ST8SIA5: variants seen among roughly 807,000 people sequenced by gnomAD.
ST8SIA5 encodes alpha-2,8-sialyltransferase 8E.
A neutral mutation model predicts 40.2 loss-of-function variants in ST8SIA5; 24 were observed. The observed-to-expected ratio is 0.60, with a 90% CI of 0.43 to 0.84. The LOEUF (loss-of-function observed/expected upper bound fraction) is 0.84, where lower values mean the gene tolerates loss of function less well. ST8SIA5 is among the 40% of genes least tolerant of loss of function. The pLI is 0.00. For missense variants in ST8SIA5, 465 were observed against 498.5 expected (o/e 0.93, Z 0.64); for synonymous variants, 198 against 201.8 (o/e 0.98, Z 0.16).
intron 1 of ST8SIA5, among the ~76,000 whole-genome samples, chr18:46,709,785 T>C (rs1365285546): frequency 6.6e-6 from 1 of 152,166 alleles, no homozygotes; most frequent in Admixed American, 6.5e-5. Context: ...TCAGAATAAA[T>C]GGGATGATGC....
In ST8SIA5 at chr18:46,688,871, G is replaced by T; in HGVS notation, c.360C>A (p.Thr120=). Residue 120 remains threonine (T), a synonymous_variant, in exon 4 of 7, where the codon ACC becomes ACA. Transcript: ENST00000315087. ...CCNAPAFLFT[T]QKNTPLGTKL... ...TTGTCCCCAGGGGAGTGTTCTTCTGGGTGGTGAAGAGAAAGGCAGGGGCGT... is the reference window on the plus strand; with the variant it reads ...TTGTCCCCAGGGGAGTGTTCTTCTGTGTGGTGAAGAGAAAGGCAGGGGCGT... 3 of 1,614,134 alleles carry T rather than the reference G, an allele frequency of 1.9e-6. No individual in the cohort carries two copies. The highest frequency in any genetic ancestry group is 2.5e-6 in the Non-Finnish European group (3 of 1,180,004).
chr18:46,719,724 T>TTCTTTCTC (rs2039839021), intron 1 of ST8SIA5, among the ~76,000 whole-genome samples: 1 of 150,600 alleles, frequency 6.6e-6, no homozygotes, highest in Non-Finnish European at 1.5e-5. Flanking sequence ...CTTTCTCTCT[T>TTCTTTCTC]TCTCTCTCTT....
At chr18:46,756,019 C>G (rs899720424) in intron 1 of ST8SIA5, among the ~76,000 whole-genome samples, 2 of 152,232 alleles carry the variant, frequency 1.3e-5, no homozygotes, top group African/African-American at 2.4e-5. Flanking sequence ...CCTCCGACCC[C>G]GGAGTCCAAA....
At chr18:46,731,151 A>G (rs1209848576) in intron 1 of ST8SIA5, among the ~76,000 whole-genome samples, 3 of 152,054 alleles carry the variant, frequency 2.0e-5, no homozygotes, top group South Asian at 4.1e-4. Flanking sequence ...CAAGGGGGAG[A>G]TTTCTTTCTG....
intron 1 of ST8SIA5, among the ~76,000 whole-genome samples, chr18:46,733,534 C>T (rs554563990): frequency 7.3e-5 from 11 of 151,448 alleles, no homozygotes; most frequent in East Asian, 3.9e-4. Flanking sequence ...ACAGATATGA[C>T]GACAATAAAC....
chr18:46,734,851 C>T (rs1202997996), intron 1 of ST8SIA5, among the ~76,000 whole-genome samples: 11 of 152,202 alleles, frequency 7.2e-5, no homozygotes. Flanking sequence ...CCTGTTTCAT[C>T]CATCTTGGTA....
chr18:46,726,954 TAACTGTGCTA>T (rs2039937951), intron 1 of ST8SIA5, among the ~76,000 whole-genome samples: 1 of 152,132 alleles, frequency 6.6e-6, no homozygotes, highest in Non-Finnish European at 1.5e-5. Flanking sequence ...AACAAGTGCT[TAACTGTGCTA>T]AACTCGTAAT....
At chr18:46,717,523 C>A (rs138049367) in intron 1 of ST8SIA5, among the ~76,000 whole-genome samples, 29 of 152,116 alleles carry the variant, frequency 1.9e-4, no homozygotes, top group African/African-American at 7.0e-4. Context: ...TTAGTAGAGA[C>A]GGGGCTTCTC....
At chr18:46,710,472 TCCCTTC>T (rs200767820) in intron 1 of ST8SIA5, among the ~76,000 whole-genome samples, 4,739 of 147,646 alleles carry the variant, frequency 0.032, 95 homozygotes, top group Non-Finnish European at 0.044. Context: ...TCCTTCCTTC[TCCCTTC>T]CCCTTCCCCT....
chr18:46,745,892 G>T (rs2040135125), intron 1 of ST8SIA5, among the ~76,000 whole-genome samples: 1 of 152,120 alleles, frequency 6.6e-6, no homozygotes, highest in Non-Finnish European at 1.5e-5. Flanking sequence ...TTCATCCCTG[G>T]GATGCAAGGC....
intron 3 of ST8SIA5, 58 bp from the exon 4 acceptor site, chr18:46,688,977 C>T: frequency 6.4e-7 from 1 of 1,565,606 alleles, no homozygotes; most frequent in Non-Finnish European, 8.6e-7. Flanking sequence ...TGATGGAGGG[C>T]AGAGCACAAC....
chr18:46,738,299 G>A (rs1306325400), intron 1 of ST8SIA5, among the ~76,000 whole-genome samples: 1 of 150,590 alleles, frequency 6.6e-6, no homozygotes, highest in Non-Finnish European at 1.5e-5. Context: ...GACGGAATCC[G>A]GGAGTAAGAG....
chr18:46,726,016 A>C (rs2039924645), intron 1 of ST8SIA5, among the ~76,000 whole-genome samples: 1 of 33,934 alleles, frequency 2.9e-5, no homozygotes, highest in Non-Finnish European at 5.4e-5. Flanking sequence ...TATATCCTGG[A>C]TATATATATA....
intron 1 of ST8SIA5, among the ~76,000 whole-genome samples, chr18:46,754,083 C>T (rs2040219570): frequency 6.6e-6 from 1 of 152,090 alleles, no homozygotes; most frequent in African/African-American, 2.4e-5. Flanking sequence ...TCATTACAAT[C>T]ATGATATATG....
chr18:46,703,568 C>CA (rs1339456596), intron 2 of ST8SIA5, among the ~76,000 whole-genome samples: 1 of 152,102 alleles, frequency 6.6e-6, no homozygotes, highest in Non-Finnish European at 1.5e-5. Flanking sequence ...CTGCCCACCC[C>CA]AAAACCCATG....
At chr18:46,718,149 T>A (rs147363073) in intron 1 of ST8SIA5, among the ~76,000 whole-genome samples, 1,841 of 152,046 alleles carry the variant, frequency 0.012, 35 homozygotes, top group African/African-American at 0.043. Flanking sequence ...GCCAACACAG[T>A]GAAACCCCGT....
At chr18:46,686,816 C>CAAAA (rs752731256) in intron 4 of ST8SIA5, among the ~76,000 whole-genome samples, 23 of 120,998 alleles carry the variant, frequency 1.9e-4, no homozygotes, top group African/African-American at 7.2e-4. Flanking sequence ...CAGAGAAAGG[C>CAAAA]AAAAAAAAAA....
At chr18:46,735,769 C>A (rs1220039144) in intron 1 of ST8SIA5, among the ~76,000 whole-genome samples, 1 of 151,056 alleles carries the variant, frequency 6.6e-6, no homozygotes, top group Non-Finnish European at 1.5e-5. Context: ...TGCACCACCA[C>A]ACCTGGATAA....
intron 1 of ST8SIA5, chr18:46,730,277 A>G (rs552513409): frequency 1.0e-6 from 1 of 984,050 alleles, no homozygotes; most frequent in South Asian, 4.7e-5. Context: ...TAGCAGTGTG[A>G]CTCTCAGCAT....
Sources: allele counts gnomAD v4.1 joint callset (sites outside exome capture counted in the v4.1 genomes callset), GRCh38; gene constraint gnomAD v4.1.1; transcripts MANE v1.5; gene names NCBI Gene and HGNC (gene_info 2026-07-23, HGNC 2026-07-21).